GPNMB: variants seen among roughly 807,000 people sequenced by gnomAD.
GPNMB encodes the protein glycoprotein nmb.
GPNMB carries 71 observed loss-of-function variants against 57.3 expected under a neutral mutation model. The observed-to-expected ratio is 1.24, with a 90% CI of 1.02 to 1.51. GPNMB has a LOEUF of 1.51. GPNMB is among the 40% of genes most tolerant of loss of function. The pLI is 0.00. For synonymous variants in GPNMB, 253 were observed against 263.2 expected (o/e 0.96, Z 0.38); for missense variants, 677 against 691.9 (o/e 0.98, Z 0.24).
chr7:23,258,150 AG>A (rs1782826694), intron 4 of GPNMB: 2 of 152,244 alleles, frequency 1.3e-5, no homozygotes, highest in Non-Finnish European at 2.9e-5. Flanking sequence ...ATTATTAATT[AG>A]GCTGCTAAAT....
rs771139651 is a variant in GPNMB at position 23,260,498 on chromosome 7, G to A, written c.743G>A (p.Arg248Gln). 1.5e-5 allele frequency: 25 copies of A among 1,613,642 alleles called. No individual in the cohort carries two copies. In the East Asian group the frequency reaches 2.7e-4, roughly 17 times the overall value. ...VFVTMFQKND[R>Q]NSSDETFLKD... ...GTGACTATGTTCCAGAAGAACGATC[G>A]AAATTCATCCGACGAAACCTTCCTC... Residue 248 changes from arginine to glutamine, a missense_variant, in exon 6 of 11, where the codon CGA (arginine) becomes CAA (glutamine). Transcript: ENST00000258733.
At position 23,270,076 on chromosome 7, in the gene GPNMB, C is replaced by T. The variant is rs547758286; in HGVS notation, c.1330C>T (p.Arg444Ter). Reference protein sequence around the residue: ...VDEMCLLTVRRTFNGSGTYCV... With the variant: ...VDEMCLLTVR ...TGAGATGTGTCTGCTGACTGTGAGA[C>T]GAACCTTCAATGGGTCTGGGACGTA... The change falls in exon 9 of 11, where the codon CGA becomes TGA. Residue 444 changes from arginine to a stop codon, truncating the protein, a stop_gained. Coordinates refer to ENST00000258733, the MANE Select transcript of GPNMB (RefSeq NM_002510.3). LOFTEE classifies it high-confidence loss of function. 9.9e-6 allele frequency: 16 copies of T among 1,613,994 alleles called. No homozygotes were observed. Among genetic ancestry groups the T allele is most frequent in the Middle Eastern group, 1.6e-4 (1 of 6,062 alleles).
At chr7:23,270,664 T>A (rs910995654) in intron 9 of GPNMB, among the ~76,000 whole-genome samples, 5 of 152,188 alleles carry the variant, frequency 3.3e-5, no homozygotes, top group Non-Finnish European at 5.9e-5. Flanking sequence ...GCATCCTCTC[T>A]TTCCCTTCCC....
In GPNMB at chr7:23,274,132, G is replaced by A; in HGVS notation, c.1591G>A (p.Val531Ile). ...TGTGGTCAGAAGCAAAGGCCTGAGTGTCTTTCTCAACCGTGCAAAAGCCGT... is the reference window on the plus strand; with the variant it reads ...TGTGGTCAGAAGCAAAGGCCTGAGTATCTTTCTCAACCGTGCAAAAGCCGT... ...GNVVRSKGLS[V>I]FLNRAKAVFF... The change falls in exon 11 of 11, where the codon GTC becomes ATC. Residue 531 changes from valine to isoleucine, a missense_variant. Transcript: ENST00000258733. 2 of 1,613,272 alleles carry A rather than the reference G, an allele frequency of 1.2e-6. No homozygotes were observed. Among genetic ancestry groups the A allele is most frequent in the South Asian group, 2.2e-5 (2 of 91,066 alleles).
intron 1 of GPNMB, chr7:23,247,133 T>C (rs980365338): frequency 5.1e-6 from 3 of 582,586 alleles, no homozygotes; most frequent in East Asian, 2.9e-5. Context: ...TTTCGGCTCA[T>C]GGAAAGTAAA....
At chr7:23,271,061 T>C (rs1192653001) in intron 9 of GPNMB, among the ~76,000 whole-genome samples, 3 of 152,210 alleles carry the variant, frequency 2.0e-5, no homozygotes, top group African/African-American at 7.2e-5. Context: ...GTAACGGGGA[T>C]GGTGGGGGAT....
rs1185006322 is a variant in GPNMB at position 23,274,520 on chromosome 7, G to A, written c.*296G>A. On this transcript the variant is annotated 3_prime_UTR_variant, in exon 11 of 11. Transcript: ENST00000258733. ...TAGTAGGATAGAAACACTGTGTCCCGAGAGTAAGGAGAGAAGCTACTATTG... is the reference window on the plus strand; with the variant it reads ...TAGTAGGATAGAAACACTGTGTCCCAAGAGTAAGGAGAGAAGCTACTATTG... 11 of 218,886 alleles carry A rather than the reference G, an allele frequency of 5.0e-5. No homozygotes were observed. The highest frequency in any genetic ancestry group is 2.6e-4 in the South Asian group (3 of 11,602). The allele number at this position is 218,886 out of a possible 1,614,324, so 13.6% of individuals were successfully genotyped here. A position where few individuals can be genotyped will look rare whatever the true frequency, so the allele number is the denominator to read the frequency against.
chr7:23,261,482 G>A (rs1236230226), intron 6 of GPNMB, among the ~76,000 whole-genome samples: 2 of 152,174 alleles, frequency 1.3e-5, no homozygotes, highest in African/African-American at 2.4e-5. Context: ...TCCTTTGTAG[G>A]AACATGGATG....
chr7:23,263,765 C>A (rs562397646), intron 6 of GPNMB, among the ~76,000 whole-genome samples: 4 of 151,958 alleles, frequency 2.6e-5, no homozygotes, highest in Admixed American at 2.6e-4. Flanking sequence ...TTAGGGAGAG[C>A]GAGGAGGGAC....
In GPNMB at chr7:23,254,205, C is replaced by A. The variant is rs973959143; in HGVS notation, c.260C>A (p.Pro87Gln). 1.2e-6 allele frequency: 2 copies of A among 1,613,854 alleles called. No individual in the cohort carries two copies. Among genetic ancestry groups the A allele is most frequent in the African/African-American group, 2.7e-5 (2 of 74,906 alleles). The change falls in exon 3 of 11, where the codon CCA becomes CAA. Residue 87 changes from proline (P) to glutamine (Q), a missense_variant. Transcript: ENST00000258733. ...RVQAVLTSDSPALVGSNITFA... is the reference protein window; with the variant it reads ...RVQAVLTSDSQALVGSNITFA... ...CAGGCGGTCCTGACCAGTGACTCAC[C>A]AGCCCTCGTGGGCTCAAATATAACA...
chr7:23,258,782 C>T (rs1293107456), intron 4 of GPNMB, among the ~76,000 whole-genome samples: 4 of 152,206 alleles, frequency 2.6e-5, no homozygotes. Context: ...GATGGAACTA[C>T]CCCTGCATCT....
In GPNMB at chr7:23,246,935, AC is replaced by A; in HGVS notation, c.70+11del. 6.2e-7 allele frequency: 1 copy of A among 1,603,728 alleles called. No individual in the cohort carries two copies. The highest frequency in any genetic ancestry group is 8.5e-7 in the Non-Finnish European group (1 of 1,170,664). ...CACTTGATGCCGCCAAACGTGAGTA[AC>A]CCTTAATTTCTATGTTTAACCCATT... is the stretch of plus-strand genomic sequence containing the variant. On this transcript the variant is annotated intron_variant, in intron 1 of 10. Coordinates refer to ENST00000258733, the MANE Select transcript of GPNMB (RefSeq NM_002510.3).
chr7:23,273,141 A>C, intron 9 of GPNMB: 2 of 164,540 alleles, frequency 1.2e-5, no homozygotes, highest in Non-Finnish European at 2.6e-5. Flanking sequence ...CACGGGGAGT[A>C]TGGCCAACTT....
intron 6 of GPNMB, among the ~76,000 whole-genome samples, chr7:23,263,612 CAAAA>C (rs750640697): frequency 3.2e-5 from 2 of 62,998 alleles, no homozygotes; most frequent in Non-Finnish European, 3.4e-5. Context: ...AACTCTGTCT[CAAAA>C]AAAAAAAAAA....
chr7:23,269,997 T>A lies in GPNMB; in HGVS notation c.1251T>A (p.Ser417=). 6.2e-7 allele frequency: 1 copy of A among 1,614,168 alleles called. No homozygotes were observed. Among genetic ancestry groups the A allele is most frequent in the East Asian group, 2.2e-5 (1 of 44,890 alleles). Residue 417 remains serine (S), a synonymous_variant, in exon 9 of 11, where the codon TCT becomes TCA. Coordinates refer to ENST00000258733, the MANE Select transcript of GPNMB (RefSeq NM_002510.3). ...SIPTEVCTII[S]DPTCEITQNT... is the part of the protein sequence containing the mutation. ...CCACGGAGGTCTGTACCATCATTTC[T>A]GACCCCACCTGCGAGATCACCCAGA...
At chr7:23,266,369 G>A in intron 6 of GPNMB, 148 bp from the exon 7 acceptor site, 1 of 704,866 alleles carries the variant, frequency 1.4e-6, no homozygotes, top group Non-Finnish European at 2.4e-6. Context: ...GACACATTTA[G>A]TTCAAATTTC....
At position 23,253,454 on chromosome 7, in the gene GPNMB, G is replaced by A; in HGVS notation, c.218G>A (p.Trp73Ter). Residue 73 changes from tryptophan to a stop codon, truncating the protein, a stop_gained, in exon 2 of 11, where the codon TGG becomes TAG. Transcript: ENST00000258733. LOFTEE classifies it high-confidence loss of function. Reference protein sequence around the residue: ...KRGDMRWKNSWKGGRVQAVLT... With the variant: ...KRGDMRWKNS ...GGAGACATGAGGTGGAAAAACTCCTGGAAGGGTAAGTCAAAAGATTCAAAC... is the reference window on the plus strand; with the variant it reads ...GGAGACATGAGGTGGAAAAACTCCTAGAAGGGTAAGTCAAAAGATTCAAAC... 1.2e-6 allele frequency: 2 copies of A among 1,613,258 alleles called. No homozygotes were observed. Among genetic ancestry groups the A allele is most frequent in the Non-Finnish European group, 1.7e-6 (2 of 1,179,488 alleles).
Position 23,273,812 on chromosome 7 carries a change from C to T in GPNMB, c.1523+198C>T, listed in dbSNP as rs1041320468. ...TGTTTTTAATCCTAAAAGATGCTAC[C>T]AGATCTCAGTAACTTTACAAAATTA... On this transcript the variant is annotated intron_variant, in intron 10 of 10. Coordinates refer to ENST00000258733, the MANE Select transcript of GPNMB (RefSeq NM_002510.3). The T allele has an allele frequency of 2.2e-5, 13 of 582,072 alleles. No homozygotes were observed. The African/African-American group carries it at 2.3e-4, about 10-fold the overall frequency. 36.1% of individuals were successfully genotyped at this position (582,072 alleles called of 1,614,324 possible).
intron 3 of GPNMB, 107 bp downstream of exon 3, chr7:23,254,419 C>T (rs1370784440): frequency 1.2e-6 from 1 of 852,970 alleles, no homozygotes; most frequent in Non-Finnish European, 1.9e-6. Context: ...CTTGCCACTG[C>T]ACTCCATGAG....
Sources: allele counts gnomAD v4.1 joint callset (sites outside exome capture counted in the v4.1 genomes callset), GRCh38; gene constraint gnomAD v4.1.1; transcripts MANE v1.5; gene names NCBI Gene and HGNC (gene_info 2026-07-23, HGNC 2026-07-21).